IL17RA: variants seen among roughly 807,000 people sequenced by gnomAD.
The protein encoded by IL17RA is interleukin-17 receptor A.
IL17RA carries 34 observed loss-of-function variants against 50.4 expected under a neutral mutation model. That is an observed-to-expected ratio of 0.67 (90% CI 0.51 to 0.90). The LOEUF (loss-of-function observed/expected upper bound fraction) is 0.90, where lower values mean the gene tolerates loss of function less well. Ranked by LOEUF, IL17RA falls within the 40% of genes least tolerant of loss-of-function variation. The pLI, the probability that IL17RA is intolerant of heterozygous loss-of-function variation, is 0.00. For missense variants in IL17RA, 1,276 were observed against 1,169.8 expected, an observed-to-expected ratio of 1.09 and a Z score of -1.32; for synonymous variants, 585 against 510.4, an observed-to-expected ratio of 1.15 and a Z score of -1.97.
Position 17,105,845 on chromosome 22 carries a change from C to T in IL17RA, c.944-8C>T. On this transcript the variant is annotated splice_polypyrimidine_tract_variant and splice_region_variant and intron_variant, in intron 10 of 12. Coordinates refer to ENST00000319363, the MANE Select transcript of IL17RA (RefSeq NM_014339.7). ...GCCGCATCACTCACGCTGTTCTGCT[C>T]ACCGCAGACTACATGCCCCTGTGGG... 6.2e-7 allele frequency: 1 copy of T among 1,609,582 alleles called. No individual in the cohort carries two copies. Among genetic ancestry groups the T allele is most frequent in the Non-Finnish European group, 8.5e-7 (1 of 1,176,226 alleles).
At position 17,115,388 on chromosome 22, in the gene IL17RA, C is replaced by T. The variant is rs1337889194; in HGVS notation, c.*5568C>T. 6.6e-6 allele frequency: 1 copy of T among 152,260 alleles called. No homozygotes were observed. The highest frequency in any genetic ancestry group is 1.5e-5 in the Non-Finnish European group (1 of 68,054). The allele number at this position is 152,260 out of a possible 1,614,324, so 9.4% of individuals were successfully genotyped here. On this transcript the variant is annotated 3_prime_UTR_variant, in exon 13 of 13. Coordinates refer to ENST00000319363, the MANE Select transcript of IL17RA (RefSeq NM_014339.7). ...ATTGCTCCTGTTTTATAAATAATGA[C>T]ATAGTTCCAGTTGATGGCCAAAGCC... is the stretch of plus-strand genomic sequence containing the variant.
intron 7 of IL17RA, among the ~76,000 whole-genome samples, chr22:17,103,266 G>T (rs986528725): frequency 1.3e-5 from 2 of 152,236 alleles, no homozygotes; most frequent in South Asian, 2.1e-4. Flanking sequence ...AGCAGCCAAA[G>T]CAAAGAGAGA....
chr22:17,094,669 C>CTATATATATATATATATATGTGTATATA (rs2061360235), intron 1 of IL17RA, among the ~76,000 whole-genome samples: 4 of 24,238 alleles, frequency 1.7e-4, no homozygotes, highest in Non-Finnish European at 3.8e-4. Context: ...CTCTCTCTCT[C>CTATATATATATATATATATGTGTATATA]TCTCTCTCTC....
In IL17RA at chr22:17,109,520, C is replaced by G; in HGVS notation, c.2301C>G (p.Gly767=). The change falls in exon 13 of 13, where the codon GGC becomes GGG. Residue 767 remains glycine (G), a synonymous_variant. Coordinates refer to ENST00000319363, the MANE Select transcript of IL17RA (RefSeq NM_014339.7). ...GTCTGAGCTGCCAGGCCCAGGGGGG[C>G]TGCAGTAGACCCGCCATGGTCCTCA... The part of the protein sequence containing the change: ...EQSLSCQAQG[G]CSRPAMVLTD... 6.3e-7 allele frequency: 1 copy of G among 1,597,032 alleles called. No individual in the cohort carries two copies. Among genetic ancestry groups the G allele is most frequent in the Non-Finnish European group, 8.5e-7 (1 of 1,171,606 alleles).
intron 11 of IL17RA, among the ~76,000 whole-genome samples, chr22:17,106,767 T>A (rs1034242244): frequency 6.6e-6 from 1 of 152,168 alleles, no homozygotes; most frequent in East Asian, 1.9e-4. Context: ...CAGCCAGGCA[T>A]GGGAGGACCT....
intron 1 of IL17RA, 98 bp downstream of exon 1, chr22:17,085,327 G>A: frequency 1.3e-6 from 2 of 1,506,088 alleles, no homozygotes; most frequent in Non-Finnish European, 1.8e-6. Flanking sequence ...CCCGGGCTGG[G>A]GAGGCAGGAA....
At chr22:17,086,039 C>T (rs1233617241) in intron 1 of IL17RA, among the ~76,000 whole-genome samples, 3 of 152,138 alleles carry the variant, frequency 2.0e-5, no homozygotes, top group Non-Finnish European at 2.9e-5. Context: ...GAGGGTCGAA[C>T]GTTTGTAGCT....
Position 17,109,826 on chromosome 22 carries a change from G to A in IL17RA, c.*6G>A. 5 of 1,548,494 alleles carry A rather than the reference G, an allele frequency of 3.2e-6. No individual in the cohort carries two copies. The highest frequency in any genetic ancestry group is 3.5e-6 in the Non-Finnish European group (4 of 1,146,928). ...CAGAGGGGCCCAGTGCATGAGGGCG[G>A]CTCCCCAGGGACCGCCCAGATCCCA... On this transcript the variant is annotated 3_prime_UTR_variant, in exon 13 of 13. Transcript: ENST00000319363.
At chr22:17,108,023 A>G (rs1485378534) in intron 12 of IL17RA, among the ~76,000 whole-genome samples, 1 of 152,266 alleles carries the variant, frequency 6.6e-6, no homozygotes, top group Admixed American at 6.5e-5. Flanking sequence ...GCAGACCAAC[A>G]GAGCTTGGTG....
chr22:17,108,966 G>C lies in IL17RA; in HGVS notation c.1747G>C (p.Asp583His), dbSNP rs41432148. The C allele has an allele frequency of 6.7e-4, 1,082 of 1,605,584 alleles. 4 individuals carry two copies. The African/African-American group carries it at 0.013, about 20-fold the overall frequency. The part of the protein sequence containing the change: ...RFRDWQVRCP[D>H]WFECENLYSA... ...CCGGGACTGGCAGGTCCGCTGTCCC[G>C]ACTGGTTCGAATGTGAGAACCTCTA... The change falls in exon 13 of 13, where the codon GAC becomes CAC. Residue 583 changes from aspartate (D) to histidine (H), a missense_variant. Asp to His is a moderately conservative substitution (Grantham distance 81, BLOSUM62 -1). Coordinates refer to ENST00000319363, the MANE Select transcript of IL17RA (RefSeq NM_014339.7).
rs562610719 is a variant in IL17RA at position 17,101,907 on chromosome 22, A to T, written c.551-89A>T. On this transcript the variant is annotated intron_variant, in intron 5 of 12. Coordinates refer to ENST00000319363, the MANE Select transcript of IL17RA (RefSeq NM_014339.7). The stretch of plus-strand genomic sequence containing the variant: ...CCTGCGGACAGGCTCCCAGTGGGGA[A>T]AAGATTGTTGTTCTTGGTGTCAGGA... 113 of 1,541,498 alleles carry T rather than the reference A, an allele frequency of 7.3e-5. 1 individual carries two copies. The South Asian group carries it at 1.2e-3, about 17-fold the overall frequency.
intron 1 of IL17RA, chr22:17,093,954 C>CTTTTA (rs915847791): frequency 2.2e-5 from 2 of 89,402 alleles, no homozygotes; most frequent in Admixed American, 2.3e-4. Flanking sequence ...CAGAATAGCC[C>CTTTTA]TTTTATTTTA....
intron 5 of IL17RA, 133 bp from the exon 6 acceptor site, chr22:17,101,863 G>T: frequency 9.5e-7 from 1 of 1,051,810 alleles, no homozygotes. Flanking sequence ...CAGCCCTGGA[G>T]CTCACTCTGA....
In IL17RA at chr22:17,105,573, CCT is replaced by C. The variant is rs770803207; in HGVS notation, c.932-15_932-14del. The C allele has an allele frequency of 1.4e-5, 22 of 1,611,300 alleles. No individual in the cohort carries two copies. The highest frequency in any genetic ancestry group is 1.9e-5 in the Non-Finnish European group (22 of 1,177,552). Reference sequence around the variant, plus strand: ...GTTAAGAATGCTATTTTCCCTTTTTCCTCTGTTCTCATTGCAGAACCAATTCC... The same window carrying C: ...GTTAAGAATGCTATTTTCCCTTTTTCCTGTTCTCATTGCAGAACCAATTCC... On this transcript the variant is annotated splice_polypyrimidine_tract_variant and intron_variant, in intron 9 of 12. Transcript: ENST00000319363.
Position 17,109,232 on chromosome 22 carries a change from C to T in IL17RA, c.2013C>T (p.Ala671=), listed in dbSNP as rs1429293752. Residue 671 remains alanine (A), a synonymous_variant, in exon 13 of 13, where the codon GCC becomes GCT. Transcript: ENST00000319363. ...AGCCCCTCCACACCCTGGTGCTCGC[C>T]GCAGAGGAGGGGGCCCTGGTGGCCG... ...APQPLHTLVL[A]AEEGALVAAV... The T allele has an allele frequency of 2.0e-6, 3 of 1,492,574 alleles. No individual in the cohort carries two copies. The highest frequency in any genetic ancestry group is 2.7e-6 in the Non-Finnish European group (3 of 1,127,006). The allele number at this position is 1,492,574 out of a possible 1,614,324, so 92.5% of individuals were successfully genotyped here. A position where few individuals can be genotyped will look rare whatever the true frequency, so the allele number is the denominator to read the frequency against.
intron 9 of IL17RA, among the ~76,000 whole-genome samples, chr22:17,105,304 T>TA (rs1352253392): frequency 6.6e-6 from 1 of 152,160 alleles, no homozygotes; most frequent in Admixed American, 6.5e-5. Context: ...TCGCATGCCC[T>TA]AATGCACGGG....
chr22:17,099,550 G>T (rs560555919), intron 4 of IL17RA, among the ~76,000 whole-genome samples: 1 of 152,048 alleles, frequency 6.6e-6, no homozygotes, highest in Non-Finnish European at 1.5e-5. Context: ...AAGTCATCAC[G>T]ATGCGAGCCT....
chr22:17,104,863 G>C (rs1601346711), intron 9 of IL17RA, 53 bp downstream of exon 9: 2 of 1,554,184 alleles, frequency 1.3e-6, no homozygotes. Context: ...GTGGCTGAAG[G>C]CCCCCAGCCT....
chr22:17,090,524 C>T (rs1478081504), intron 1 of IL17RA, among the ~76,000 whole-genome samples: 1 of 152,068 alleles, frequency 6.6e-6, no homozygotes, highest in South Asian at 2.1e-4. Context: ...ACAGTAGATC[C>T]CTGCGCCACC....
Sources: allele counts gnomAD v4.1 joint callset (sites outside exome capture counted in the v4.1 genomes callset), GRCh38; gene constraint gnomAD v4.1.1; transcripts MANE v1.5; gene names NCBI Gene and HGNC (gene_info 2026-07-23, HGNC 2026-07-21).